RREB1: variants seen among roughly 807,000 people sequenced by gnomAD.
RREB1 encodes ras responsive element binding protein 1.
Under a neutral mutation model 117.8 loss-of-function variants are expected in RREB1, and 27 were observed. That is an observed-to-expected ratio of 0.23 (90% CI 0.17 to 0.32). The LOEUF is 0.32. Among genes scored for constraint, RREB1 ranks in the 10% least tolerant of loss-of-function variants. The pLI, the probability that RREB1 is intolerant of heterozygous loss-of-function variation, is 1.00. For synonymous variants in RREB1, 1,298 were observed against 1,026.7 expected, an observed-to-expected ratio of 1.26 and a Z score of -5.05; for missense variants, 2,577 against 2,378.2, an observed-to-expected ratio of 1.08 and a Z score of -1.74.
In RREB1 at chr6:7,222,322, T is replaced by C. The variant is rs146455210; in HGVS notation, c.708-4145T>C. On this transcript the variant is annotated intron_variant, in intron 8 of 12. Transcript: ENST00000379938. ...GAGTCTGCTTTTTTTAACAAGGTCA[T>C]GTGGGGATTCTTATCTCTTGGCATG... is the stretch of plus-strand genomic sequence containing the variant. Among the ~76,000 whole-genome samples, 840 of 152,336 alleles carry C rather than the reference T, an allele frequency of 5.5e-3. 2 individuals carry two copies. The highest frequency in any genetic ancestry group is 7.8e-3 in the Non-Finnish European group (532 of 68,026).
At chr6:7,110,201 C>T (rs1356773079) in intron 1 of RREB1, among the ~76,000 whole-genome samples, 1 of 152,160 alleles carries the variant, frequency 6.6e-6, no homozygotes, top group Non-Finnish European at 1.5e-5. Flanking sequence ...GAAAAGAGAA[C>T]TGCCAAGAAA....
chr6:7,188,444 G>A (rs1561770154), intron 5 of RREB1, among the ~76,000 whole-genome samples: 1 of 151,988 alleles, frequency 6.6e-6, no homozygotes, highest in Non-Finnish European at 1.5e-5. Context: ...GTAGAGACGG[G>A]GTTTCAGCAC....
chr6:7,214,415 G>A (rs1766789687), intron 8 of RREB1: 1 of 152,246 alleles, frequency 6.6e-6, no homozygotes, highest in African/African-American at 2.4e-5. Context: ...AGAGTTGCCA[G>A]GCATCCTTTG....
chr6:7,174,904 T>A (rs1211394932), intron 1 of RREB1, among the ~76,000 whole-genome samples: 1 of 152,144 alleles, frequency 6.6e-6, no homozygotes, highest in Non-Finnish European at 1.5e-5. Context: ...CCACCGCGCC[T>A]GGCCTATTTA....
intron 1 of RREB1, among the ~76,000 whole-genome samples, chr6:7,160,269 A>C (rs1763585596): frequency 6.6e-6 from 1 of 152,142 alleles, no homozygotes; most frequent in African/African-American, 2.4e-5. Context: ...AGCTGGTCTC[A>C]AACTCCTGGC....
intron 1 of RREB1, among the ~76,000 whole-genome samples, chr6:7,137,674 G>A (rs1176888019): frequency 6.6e-6 from 1 of 151,908 alleles, no homozygotes; most frequent in African/African-American, 2.4e-5. Flanking sequence ...GAAAGGTACA[G>A]CGTTAATTTA....
intron 1 of RREB1, among the ~76,000 whole-genome samples, chr6:7,173,504 GAAA>G (rs796789297): frequency 8.3e-6 from 1 of 120,252 alleles, no homozygotes; most frequent in Non-Finnish European, 1.8e-5. Context: ...AAAACATGAA[GAAA>G]AAAAAAAAAA....
chr6:7,120,893 C>T (rs1036692335), intron 1 of RREB1, among the ~76,000 whole-genome samples: 11 of 148,570 alleles, frequency 7.4e-5, no homozygotes, highest in Non-Finnish European at 1.6e-4. Flanking sequence ...GATATTGGCT[C>T]ACCGCAGCCT....
Position 7,248,783 on chromosome 6 carries a change from A to G in RREB1, c.5044A>G (p.Lys1682Glu), listed in dbSNP as rs1171632474. Residue 1682 changes from lysine to glutamate, a missense_variant, in exon 13 of 13, where the codon AAG becomes GAG. Coordinates refer to ENST00000379938, the MANE Select transcript of RREB1 (RefSeq NM_001003699.4). ...SRKEGLASAT[K>E]DCSHREEKVT... is the part of the protein sequence containing the mutation. ...GAAGGAGGGCTTGGCCAGTGCCACC[A>G]AGGACTGCAGCCACAGGGAGGAGAA... 1 of 1,613,984 alleles carries G rather than the reference A, an allele frequency of 6.2e-7. No homozygotes were observed.
intron 1 of RREB1, chr6:7,108,587 C>G (rs1283024471): frequency 2.0e-5 from 3 of 152,438 alleles, no homozygotes; most frequent in Admixed American, 6.5e-5. Context: ...CCCTCTCTCC[C>G]TCGACATCCT....
At chr6:7,157,958 G>A (rs1218562659) in intron 1 of RREB1, among the ~76,000 whole-genome samples, 1 of 152,018 alleles carries the variant, frequency 6.6e-6, no homozygotes, top group Non-Finnish European at 1.5e-5. Context: ...CCCTACCAGG[G>A]GTGTTTTCAT....
At chr6:7,186,312 A>T (rs1014809795) in intron 4 of RREB1, among the ~76,000 whole-genome samples, 1 of 152,192 alleles carries the variant, frequency 6.6e-6, no homozygotes, top group Non-Finnish European at 1.5e-5. Context: ...TAACTTAGCC[A>T]TCCTCAAACC....
chr6:7,164,000 T>C (rs1269715706), intron 1 of RREB1, among the ~76,000 whole-genome samples: 3 of 152,162 alleles, frequency 2.0e-5, no homozygotes, highest in Admixed American at 2.0e-4. Flanking sequence ...TGTTCTCCCA[T>C]GGGCCCCTAT....
chr6:7,166,923 C>G (rs914264355), intron 1 of RREB1, among the ~76,000 whole-genome samples: 1 of 152,152 alleles, frequency 6.6e-6, no homozygotes, highest in African/African-American at 2.4e-5. Flanking sequence ...GCCTAAAACT[C>G]TATGCAAACT....
intron 1 of RREB1, among the ~76,000 whole-genome samples, chr6:7,161,598 T>C (rs562701): frequency 1 from 152,315 of 152,318 alleles, 76,156 homozygotes; most frequent in Non-Finnish European, 1. Context: ...TTTCCTATCT[T>C]TCTCAAAACC....
intron 10 of RREB1, among the ~76,000 whole-genome samples, chr6:7,236,511 T>C (rs1328464868): frequency 6.6e-6 from 1 of 152,204 alleles, no homozygotes; most frequent in Admixed American, 6.5e-5. Flanking sequence ...TTTGGCCGTT[T>C]GTACCCAGTC....
chr6:7,236,887 G>GTTTTTT lies in RREB1; in HGVS notation c.3809-3531_3809-3526dup, dbSNP rs869133214. 2.3e-3 allele frequency among the ~76,000 whole-genome samples: 144 copies of GTTTTTT among 63,406 alleles called. 8 individuals are homozygous for GTTTTTT. Among genetic ancestry groups the GTTTTTT allele is most frequent in the African/African-American group, 6.7e-3 (98 of 14,548 alleles). The allele number at this position is 63,406 out of a possible 152,430, so 41.6% of individuals were successfully genotyped here. On this transcript the variant is annotated intron_variant, in intron 10 of 12. Transcript: ENST00000379938. ...TAATTTTTTTTGTTTGTTTTTGGAG[G>GTTTTTT]TTTTTTTTTTTTTTTTTTTTTTTTT...
intron 1 of RREB1, among the ~76,000 whole-genome samples, chr6:7,137,299 TC>T (rs1762383355): frequency 1.3e-5 from 2 of 151,958 alleles, no homozygotes; most frequent in African/African-American, 4.8e-5. Flanking sequence ...CCTTATAGAC[TC>T]GGGTACAGGG....
chr6:7,122,391 G>C (rs1761718596), intron 1 of RREB1, among the ~76,000 whole-genome samples: 1 of 152,222 alleles, frequency 6.6e-6, no homozygotes, highest in Non-Finnish European at 1.5e-5. Flanking sequence ...TCAGCCTCCT[G>C]AGTAGCTGGG....
Sources: gnomAD v4.1 joint callset for allele counts (sites outside exome capture counted in the v4.1 genomes callset) on GRCh38, gnomAD v4.1.1 for gene constraint, MANE v1.5 for transcripts, NCBI Gene and HGNC (gene_info 2026-07-23, HGNC 2026-07-21) for gene names.